Variants in WWC2 observed in about 807,000 individuals in gnomAD.
WWC2 encodes the protein WW and C2 domain containing 2, also known as protein WWC2.
In WWC2, 101 loss-of-function variants were observed where a neutral mutation model predicts 138.5. That is an observed-to-expected ratio of 0.73 (90% CI 0.62 to 0.86). The LOEUF (loss-of-function observed/expected upper bound fraction) is 0.86. Ranked by LOEUF, WWC2 falls within the 40% of genes least tolerant of loss-of-function variation. The pLI, the probability that WWC2 is intolerant of heterozygous loss-of-function variation, is 0.00. For missense variants in WWC2, 1,420 were observed against 1,419.4 expected (o/e 1.00, Z -0.01); for synonymous variants, 558 against 538.4 (o/e 1.04, Z -0.50).
intron 1 of WWC2, among the ~76,000 whole-genome samples, chr4:183,163,265 T>A (rs4476642): frequency 0.98 from 149,452 of 152,270 alleles, 73,397 homozygotes; most frequent in Middle Eastern, 1. Flanking sequence ...AGCTCCTCAC[T>A]CTTTCTGGTC....
chr4:183,179,062 A>T (rs993088541), intron 1 of WWC2, among the ~76,000 whole-genome samples: 3 of 152,216 alleles, frequency 2.0e-5, no homozygotes, highest in African/African-American at 7.2e-5. Flanking sequence ...AACAAAATTT[A>T]AAAAAACTTA....
chr4:183,196,176 A>G (rs1358708208), intron 2 of WWC2, among the ~76,000 whole-genome samples: 6 of 152,138 alleles, frequency 3.9e-5, no homozygotes, highest in African/African-American at 9.7e-5. Flanking sequence ...CCGTGCTTGT[A>G]TATCCTGCAG....
chr4:183,220,827 C>A (rs1168307782), intron 4 of WWC2, among the ~76,000 whole-genome samples: 3 of 149,976 alleles, frequency 2.0e-5, no homozygotes, highest in African/African-American at 7.3e-5. Context: ...GAGCGAGACT[C>A]CGTCTCAAAA....
Position 183,248,515 on chromosome 4 carries a change from G to T in WWC2, c.733-199G>T, listed in dbSNP as rs924920199. Among the ~76,000 whole-genome samples, 6 of 152,122 alleles carry T rather than the reference G, an allele frequency of 3.9e-5. No homozygotes were observed. The East Asian group carries it at 1.2e-3, about 29-fold the overall frequency. On this transcript the variant is annotated intron_variant, in intron 6 of 22. Coordinates refer to ENST00000403733, the MANE Select transcript of WWC2 (RefSeq NM_024949.6). ...AAGACAACTGGTTTAATATGATCTC[G>T]CTTCCAAAGTCACATGTATGGAGGT...
chr4:183,250,055 T>C lies in WWC2; in HGVS notation c.953+62T>C. ...CATTTTCTTTTCCAGAATTAATCTT[T>C]ACTCCTGTGGTGACATCTGCTGGGC... On this transcript the variant is annotated intron_variant, in intron 8 of 22. Transcript: ENST00000403733. The C allele has an allele frequency of 3.4e-6, 5 of 1,482,336 alleles. No homozygotes were observed. In the South Asian group the frequency reaches 3.5e-5, roughly 10 times the overall value. The allele number at this position is 1,482,336 out of a possible 1,614,324, so 91.8% of individuals were successfully genotyped here.
chr4:183,303,227 TG>T (rs1409685552), intron 21 of WWC2, among the ~76,000 whole-genome samples: 9 of 152,360 alleles, frequency 5.9e-5, no homozygotes, highest in Admixed American at 4.6e-4. Context: ...TAATTCCTTT[TG>T]TAAGACAGCG....
At chr4:183,123,316 TTAAAA>T (rs918948902) in intron 1 of WWC2, among the ~76,000 whole-genome samples, 44 of 152,110 alleles carry the variant, frequency 2.9e-4, no homozygotes, top group African/African-American at 1.0e-3. Context: ...TATACAGCTG[TTAAAA>T]TAAATGAACT....
intron 4 of WWC2, among the ~76,000 whole-genome samples, chr4:183,235,020 G>T (rs936000963): frequency 4.6e-5 from 7 of 152,152 alleles, no homozygotes; most frequent in African/African-American, 1.7e-4. Context: ...ACACCATACC[G>T]ATAAAACCAA....
intron 1 of WWC2, among the ~76,000 whole-genome samples, chr4:183,184,219 A>T (rs1306446014): frequency 2.6e-5 from 4 of 152,224 alleles, no homozygotes; most frequent in African/African-American, 2.4e-5. Context: ...CATATAGTGG[A>T]ATCGTACCAT....
intron 1 of WWC2, among the ~76,000 whole-genome samples, chr4:183,150,957 GT>G (rs1292550562): frequency 6.6e-6 from 1 of 152,088 alleles, no homozygotes; most frequent in Non-Finnish European, 1.5e-5. Flanking sequence ...ATTTGGGTTG[GT>G]TCCAAGTCTT....
intron 1 of WWC2, among the ~76,000 whole-genome samples, chr4:183,156,233 C>T (rs1385008738): frequency 6.6e-6 from 1 of 151,906 alleles, no homozygotes. Context: ...GCCATGTTGG[C>T]CAGGTTGGTC....
Position 183,261,249 on chromosome 4 carries a change from T to G in WWC2, c.1626T>G (p.Ser542=). 1 of 1,613,116 alleles carries G rather than the reference T, an allele frequency of 6.2e-7. No individual in the cohort carries two copies. Residue 542 remains serine (S), a synonymous_variant, in exon 11 of 23, where the codon TCT becomes TCG. Transcript: ENST00000403733. The stretch of plus-strand genomic sequence containing the variant: ...CTCCACTGGCTGAGGCCCCGAAGTC[T>G]GTGGCCTCCCTGTCCTCGAGGTCCT... The part of the protein sequence containing the change: ...HTPPLAEAPK[S]VASLSSRSSL...
intron 4 of WWC2, among the ~76,000 whole-genome samples, chr4:183,225,215 T>C (rs1427799414): frequency 6.6e-6 from 1 of 152,208 alleles, no homozygotes; most frequent in Non-Finnish European, 1.5e-5. Flanking sequence ...GTTCTTATCT[T>C]ACTGTATTTA....
chr4:183,182,316 A>G (rs1734655136), intron 1 of WWC2, among the ~76,000 whole-genome samples: 1 of 152,210 alleles, frequency 6.6e-6, no homozygotes. Context: ...GTCTTCGTCC[A>G]TGAGCAATTA....
chr4:183,126,489 T>C lies in WWC2; in HGVS notation c.131+26867T>C, dbSNP rs181049510. On this transcript the variant is annotated intron_variant, in intron 1 of 22. Transcript: ENST00000403733. ...TGTCTTGGGTGATAGGTATGTGTTC[T>C]TTCTATCCACTGTTGTCATTTTTGT... Among the ~76,000 whole-genome samples, 104 of 152,330 alleles carry C rather than the reference T, an allele frequency of 6.8e-4. 1 individual carries two copies. Among genetic ancestry groups the C allele is most frequent in the Middle Eastern group, 6.8e-3 (2 of 294 alleles).
chr4:183,103,968 CTTTT>C (rs1366297165), intron 1 of WWC2, among the ~76,000 whole-genome samples: 2 of 150,474 alleles, frequency 1.3e-5, no homozygotes, highest in African/African-American at 4.9e-5. Context: ...TAAGTAATTT[CTTTT>C]TTTTTGAGAC....
intron 22 of WWC2, among the ~76,000 whole-genome samples, chr4:183,313,622 G>T (rs1052723713): frequency 6.6e-5 from 10 of 151,918 alleles, no homozygotes; most frequent in African/African-American, 2.4e-4. Context: ...TAAAAAATGG[G>T]AGTGCTCATC....
chr4:183,252,124 A>G (rs1402658115), intron 8 of WWC2, among the ~76,000 whole-genome samples: 1 of 152,206 alleles, frequency 6.6e-6, no homozygotes, highest in Non-Finnish European at 1.5e-5. Context: ...TTATGGCACA[A>G]AGGTATAGAT....
chr4:183,176,762 C>G (rs1055393591), intron 1 of WWC2, among the ~76,000 whole-genome samples: 6 of 151,878 alleles, frequency 4.0e-5, no homozygotes, highest in Non-Finnish European at 8.8e-5. Context: ...TTTTTTGAAC[C>G]ACTCAGACTG....
Sources: allele counts gnomAD v4.1 joint callset (sites outside exome capture counted in the v4.1 genomes callset), GRCh38; gene constraint gnomAD v4.1.1; transcripts MANE v1.5; gene names NCBI Gene and HGNC (gene_info 2026-07-23, HGNC 2026-07-21).